DLGAP4: variants seen among roughly 807,000 people sequenced by gnomAD.
DLGAP4 encodes DLG associated protein 4, also known as disks large-associated protein 4.
Under a neutral mutation model 86.9 loss-of-function variants are expected in DLGAP4, and 18 were observed. The observed-to-expected ratio is 0.21, with a 90% confidence interval of 0.14 to 0.31. The LOEUF (loss-of-function observed/expected upper bound fraction) is 0.31. DLGAP4 is among the 10% of genes least tolerant of loss of function. The pLI is 1.00. For synonymous variants in DLGAP4, 548 were observed against 574.3 expected (o/e 0.95, Z 0.65); for missense variants, 1,085 against 1,362.6 (o/e 0.80, Z 3.21).
At chr20:36,461,334 G>C (rs942308432) in intron 7 of DLGAP4, 4 of 462,644 alleles carry the variant, frequency 8.6e-6, no homozygotes, top group Non-Finnish European at 8.5e-6. Flanking sequence ...GCGCGCGCCG[G>C]GCCACATGCC....
intron 8 of DLGAP4, chr20:36,497,628 A>G: frequency 1.0e-6 from 1 of 986,982 alleles, no homozygotes; most frequent in Non-Finnish European, 1.2e-6. Flanking sequence ...TACCAGGCCC[A>G]TGTCATTGAG....
At chr20:36,516,403 A>G (rs2037038408) in intron 10 of DLGAP4, among the ~76,000 whole-genome samples, 1 of 152,162 alleles carries the variant, frequency 6.6e-6, no homozygotes, top group South Asian at 2.1e-4. Flanking sequence ...ACGGTGGCTC[A>G]TGCCTGTAAT....
chr20:36,526,699 G>A (rs1490506725), intron 12 of DLGAP4, 114 bp from the exon 13 acceptor site: 9 of 949,700 alleles, frequency 9.5e-6, no homozygotes, highest in East Asian at 5.3e-5. Flanking sequence ...GCTTGTGCCC[G>A]ATGCGGGGAG....
intron 7 of DLGAP4, among the ~76,000 whole-genome samples, chr20:36,463,790 G>T (rs758974654): frequency 6.6e-6 from 1 of 152,178 alleles, no homozygotes; most frequent in Non-Finnish European, 1.5e-5. Context: ...GACCTCAGCC[G>T]AGAGAGGTTC....
At chr20:36,344,807 G>A (rs981633750) in intron 1 of DLGAP4, among the ~76,000 whole-genome samples, 4 of 152,200 alleles carry the variant, frequency 2.6e-5, no homozygotes, top group African/African-American at 7.2e-5. Flanking sequence ...CATCTTGGCC[G>A]TGTGGAGGCA....
At position 36,499,687 on chromosome 20, in the gene DLGAP4, C is replaced by G. The variant is rs781232580; in HGVS notation, c.2099+11C>G. ...AGAGGACGACTGGCGGTAAGTCGGA[C>G]AGAGGTGGCGGCTGCTTCTCCCCTC... is the stretch of plus-strand genomic sequence containing the variant. On this transcript the variant is annotated intron_variant, in intron 9 of 12. Transcript: ENST00000339266. The G allele has an allele frequency of 1.2e-6, 2 of 1,611,500 alleles. No individual in the cohort carries two copies. The highest frequency in any genetic ancestry group is 1.7e-6 in the Non-Finnish European group (2 of 1,178,908).
chr20:36,311,792 C>G (rs1347902407), intron 1 of DLGAP4, among the ~76,000 whole-genome samples: 2 of 152,168 alleles, frequency 1.3e-5, no homozygotes, highest in Non-Finnish European at 2.9e-5. Flanking sequence ...ACGAAAGGCT[C>G]CCTCCCCATG....
In DLGAP4 at chr20:36,350,133, G is replaced by C. The variant is rs2030101930; in HGVS notation, c.-303-16912G>C. 6.6e-6 allele frequency among the ~76,000 whole-genome samples: 1 copy of C among 152,214 alleles called. No individual in the cohort carries two copies. Among genetic ancestry groups the C allele is most frequent in the Non-Finnish European group, 1.5e-5 (1 of 68,036 alleles). On this transcript the variant is annotated intron_variant, in intron 1 of 12. Coordinates refer to ENST00000339266, the MANE Select transcript of DLGAP4 (RefSeq NM_001365621.2). This position sits in a 1 kb window ranked among gnomAD's most constrained non-coding sequence, Gnocchi z 4.4. ...ACATGTATCTAGAGGAGGTGCCATGGGGACAGGACGGGGATCTGCACAGGG... is the reference window on the plus strand; with the variant it reads ...ACATGTATCTAGAGGAGGTGCCATGCGGACAGGACGGGGATCTGCACAGGG...
chr20:36,507,625 G>A (rs2036451914), intron 10 of DLGAP4: 1 of 152,282 alleles, frequency 6.6e-6, no homozygotes, highest in South Asian at 2.1e-4. Flanking sequence ...TCTACAGGCT[G>A]GGGGAGAGGA....
intron 7 of DLGAP4, chr20:36,492,508 C>G (rs1490403869): frequency 6.6e-6 from 1 of 152,292 alleles, no homozygotes; most frequent in Non-Finnish European, 1.5e-5. Context: ...CTGGGCCCAG[C>G]AGCTCTGAGA....
chr20:36,497,878 A>G (rs2035956498), intron 8 of DLGAP4: 1 of 156,422 alleles, frequency 6.4e-6, no homozygotes. Context: ...GAGTTTCTCT[A>G]AATCCAGATT....
intron 5 of DLGAP4, among the ~76,000 whole-genome samples, chr20:36,441,047 C>T (rs895726777): frequency 6.6e-6 from 1 of 152,068 alleles, no homozygotes; most frequent in African/African-American, 2.4e-5. Flanking sequence ...ATCCAGACTC[C>T]ACCAAGTCAC....
chr20:36,504,881 A>AT (rs1387777449), intron 10 of DLGAP4, among the ~76,000 whole-genome samples: 1 of 151,954 alleles, frequency 6.6e-6, no homozygotes, highest in African/African-American at 2.4e-5. Flanking sequence ...AGTCCTTTAT[A>AT]TATTATGGGT....
chr20:36,370,696 G>A (rs1036171640), intron 2 of DLGAP4, among the ~76,000 whole-genome samples: 18 of 151,986 alleles, frequency 1.2e-4, no homozygotes, highest in African/African-American at 3.1e-4. Flanking sequence ...GATATGTGCC[G>A]GTAGTCCCAG....
intron 1 of DLGAP4, among the ~76,000 whole-genome samples, chr20:36,340,579 C>T (rs2065369262): frequency 6.6e-6 from 1 of 152,220 alleles, no homozygotes; most frequent in Non-Finnish European, 1.5e-5. Context: ...TCCTTGCACC[C>T]TGGTCTTTGT....
chr20:36,353,292 C>T (rs782193231), intron 1 of DLGAP4, among the ~76,000 whole-genome samples: 4 of 152,190 alleles, frequency 2.6e-5, no homozygotes, highest in South Asian at 2.1e-4. Flanking sequence ...CACTGCCCTG[C>T]GGCAGGTCCT....
At chr20:36,316,455 T>C (rs1471594900) in intron 1 of DLGAP4, among the ~76,000 whole-genome samples, 1 of 152,174 alleles carries the variant, frequency 6.6e-6, no homozygotes, top group Non-Finnish European at 1.5e-5. Context: ...AGTCTTTGCT[T>C]GGTAACTCTG....
At chr20:36,310,544 T>C (rs1246400283) in intron 1 of DLGAP4, among the ~76,000 whole-genome samples, 2 of 152,212 alleles carry the variant, frequency 1.3e-5, no homozygotes, top group Non-Finnish European at 2.9e-5. Context: ...CCGAAGTCTG[T>C]GATCCTGGGA....
chr20:36,395,020 G>A (rs1268528868), intron 2 of DLGAP4, among the ~76,000 whole-genome samples: 3 of 151,874 alleles, frequency 2.0e-5, no homozygotes, highest in Non-Finnish European at 4.4e-5. Context: ...CCTCCCCGTC[G>A]TTCTCTCTGC....
Sources: gnomAD v4.1 joint callset for allele counts (sites outside exome capture counted in the v4.1 genomes callset) on GRCh38, gnomAD v4.1.1 for gene constraint, Gnocchi (gnomAD v3.1) non-coding constraint, MANE v1.5 for transcripts, NCBI Gene and HGNC (gene_info 2026-07-23, HGNC 2026-07-21) for gene names.